The following ITFG2 variants were observed in gnomAD, a reference collection of about 807,000 sequenced individuals.
ITFG2 encodes the protein integrin alpha FG-GAP repeat containing 2, also known as KICSTOR complex protein ITFG2.
In ITFG2, 36 loss-of-function variants were observed where a neutral mutation model predicts 54.4. The ratio of observed to expected loss-of-function variants is 0.66; its 90% confidence interval spans 0.51 to 0.87. The LOEUF is 0.87. ITFG2 is among the 40% of genes least tolerant of loss of function. ITFG2 has a pLI of 0.00. For synonymous variants in ITFG2, 211 were observed against 225.4 expected (o/e 0.94, Z 0.57); for missense variants, 524 against 576.7 (o/e 0.91, Z 0.94).
chr12:2,844,671 T>C (rs1488275168), intron 2 of ITFG2, among the ~76,000 whole-genome samples: 1 of 152,186 alleles, frequency 6.6e-6, no homozygotes, highest in Middle Eastern at 3.2e-3. Flanking sequence ...TCTTTGTTTA[T>C]CTTTTTTATT....
intron 1 of ITFG2, 47 bp downstream of exon 1, chr12:2,812,903 C>CGGGG (rs1603482118): frequency 4.6e-6 from 7 of 1,524,798 alleles, no homozygotes; most frequent in Non-Finnish European, 5.4e-6. Flanking sequence ...TGTGCAGGGA[C>CGGGG]GGGGCAAGGG....
rs749897172 is a variant in ITFG2 at position 2,818,072 on chromosome 12, C to T, written c.235-34C>T. 142 of 1,609,638 alleles carry T rather than the reference C, an allele frequency of 8.8e-5. 1 individual carries two copies. In the South Asian group the frequency reaches 1.4e-3, roughly 16 times the overall value. The stretch of plus-strand genomic sequence containing the variant: ...AGGCTTGTTTCCAAAACTCCCTCCC[C>T]AGTCCATCTCTACTATACCTCTGTT... On this transcript the variant is annotated intron_variant, in intron 3 of 11. Coordinates refer to ENST00000228799, the MANE Select transcript of ITFG2 (RefSeq NM_018463.4).
At chr12:2,858,581 G>T in intron 3 of ITFG2, 1 of 1,493,654 alleles carries the variant, frequency 6.7e-7, no homozygotes. Context: ...GGGGTGCACT[G>T]AGCCTTGGAG....
intron 2 of ITFG2, among the ~76,000 whole-genome samples, chr12:2,851,820 A>C (rs1271728621): frequency 6.6e-6 from 1 of 152,070 alleles, no homozygotes; most frequent in African/African-American, 2.4e-5. Flanking sequence ...CTGGGATTAC[A>C]GGCATGTGCC....
upstream of ITFG2, chr12:2,834,532 G>T: frequency 7.0e-7 from 1 of 1,430,586 alleles, no homozygotes; most frequent in Non-Finnish European, 9.3e-7. Flanking sequence ...GCAAGGGAGC[G>T]GGACCTGAAA....
downstream of ITFG2, chr12:2,830,900 AC>A (rs1188955296): frequency 1.3e-6 from 2 of 1,597,270 alleles, no homozygotes; most frequent in South Asian, 2.3e-5. Context: ...GCAGTTCTAA[AC>A]CCAGGCATCC....
intron 1 of ITFG2, among the ~76,000 whole-genome samples, chr12:2,837,834 GA>G (rs1168942094): frequency 6.6e-6 from 1 of 152,008 alleles, no homozygotes; most frequent in Non-Finnish European, 1.5e-5. Flanking sequence ...GTCTCTAAAA[GA>G]AAAAAATTCT....
chr12:2,820,340 C>G lies in ITFG2; in HGVS notation c.546+115C>G, dbSNP rs925186860. The G allele has an allele frequency of 3.8e-5, 49 of 1,291,282 alleles. No homozygotes were observed. The African/African-American group carries it at 4.1e-4, about 11-fold the overall frequency. 80.0% of individuals were successfully genotyped at this position (1,291,282 alleles called of 1,614,324 possible). A position where few individuals can be genotyped will look rare whatever the true frequency, so the allele number is the denominator to read the frequency against. ...GCCAGGGTGGGGAGAAGTGAAAAGTCACCTTGTCAAGAGAGATCCAAAGAC... is the reference window on the plus strand; with the variant it reads ...GCCAGGGTGGGGAGAAGTGAAAAGTGACCTTGTCAAGAGAGATCCAAAGAC... On this transcript the variant is annotated intron_variant, in intron 5 of 11. Coordinates refer to ENST00000228799, the MANE Select transcript of ITFG2 (RefSeq NM_018463.4).
chr12:2,830,824 C>T (rs1185143719), intron 2 of ITFG2: 2 of 1,613,618 alleles, frequency 1.2e-6, no homozygotes, highest in Non-Finnish European at 1.7e-6. Flanking sequence ...TTCGGGTTTC[C>T]CTCCACCAGG....
chr12:2,855,254 C>T lies in ITFG2; in HGVS notation n.301-2758C>T, dbSNP rs776419015. 21 of 1,508,846 alleles carry T rather than the reference C, an allele frequency of 1.4e-5. No homozygotes were observed. The South Asian group carries it at 1.7e-4, about 12-fold the overall frequency. The allele number at this position is 1,508,846 out of a possible 1,614,324, so 93.5% of individuals were successfully genotyped here. ...GTGTGAAAGCCCCAGGTGTGCTGGG[C>T]GCCACCCTTCCAAGGGTGGATGAGC... On this transcript the variant is annotated intron_variant and non_coding_transcript_variant, in intron 2 of 3. Transcript: ENST00000537710.
chr12:2,821,998 G>A (rs1201284771), intron 9 of ITFG2, among the ~76,000 whole-genome samples: 1 of 147,152 alleles, frequency 6.8e-6, no homozygotes, highest in East Asian at 2.0e-4. Context: ...GCATGATCTT[G>A]GTTCACTGCA....
chr12:2,824,168 C>A lies in ITFG2; in HGVS notation c.1319C>A (p.Pro440His). Residue 440 changes from proline (P) to histidine (H), a missense_variant, in exon 12 of 12, where the codon CCC becomes CAC. Transcript: ENST00000228799. ...CCAGACCAGCCACCACAGTGTGCTCCCTCAAGCCTCCAGGATCCCACCTAG... is the reference window on the plus strand; with the variant it reads ...CCAGACCAGCCACCACAGTGTGCTCACTCAAGCCTCCAGGATCCCACCTAG... Reference protein sequence around the residue: ...YHPDQPPQCAPSSLQDPT With the variant: ...YHPDQPPQCAHSSLQDPT The A allele has an allele frequency of 6.2e-7, 1 of 1,614,168 alleles. No individual in the cohort carries two copies. The highest frequency in any genetic ancestry group is 1.7e-5 in the Admixed American group (1 of 60,014).
chr12:2,834,319 A>G (rs1173870804), upstream of ITFG2, among the ~76,000 whole-genome samples: 1 of 152,214 alleles, frequency 6.6e-6, no homozygotes, highest in African/African-American at 2.4e-5. Flanking sequence ...TCCTGGTTGT[A>G]AGTGACCACT....
At chr12:2,834,918 C>T (rs768123127), upstream of ITFG2, 12 of 1,612,966 alleles carry the variant, frequency 7.4e-6, no homozygotes, top group African/African-American at 2.7e-5. Flanking sequence ...GTCTCTGTCC[C>T]GTGCTGCAGC....
At position 2,845,978 on chromosome 12, in the gene ITFG2, A is replaced by G. The variant is rs1319259551; in HGVS notation, n.300+4983A>G. The stretch of plus-strand genomic sequence containing the variant: ...CAGCCTCCCAAGTAGCTGGGACTAC[A>G]GGTGCACACCACTGCACCTGCCTGG... On this transcript the variant is annotated intron_variant and non_coding_transcript_variant, in intron 2 of 3. Transcript: ENST00000537710. This position sits in a 1 kb window ranked among gnomAD's most constrained non-coding sequence, Gnocchi z 4.2. 1.3e-5 allele frequency among the ~76,000 whole-genome samples: 2 copies of G among 152,164 alleles called. No homozygotes were observed. The highest frequency in any genetic ancestry group is 4.8e-5 in the African/African-American group (2 of 41,442).
chr12:2,858,797 GCCAGAAACC>G, intron 3 of ITFG2: 2 of 1,614,214 alleles, frequency 1.2e-6, no homozygotes, highest in Non-Finnish European at 1.7e-6. Context: ...TGGCTGCAAG[GCCAGAAACC>G]TGTGGCTCCG....
chr12:2,849,082 T>C, intron 2 of ITFG2: 1 of 737,554 alleles, frequency 1.4e-6, no homozygotes, highest in South Asian at 1.9e-5. Flanking sequence ...GGTACAGAGG[T>C]GGCTTGAGGC....
At chr12:2,857,820 C>A (rs1447775771) in intron 2 of ITFG2, 3 of 152,360 alleles carry the variant, frequency 2.0e-5, no homozygotes, top group African/African-American at 7.2e-5. Context: ...GCCCTTTCGG[C>A]CTTCTCAAGC....
downstream of ITFG2, chr12:2,827,861 C>T: frequency 4.3e-6 from 7 of 1,611,060 alleles, no homozygotes; most frequent in Admixed American, 5.0e-5. This position sits in a 1 kb window ranked among gnomAD's most constrained non-coding sequence, Gnocchi z 4.0. Context: ...AAGTCTCAGC[C>T]TTTGCCCCAC....
Sources: gnomAD v4.1 joint callset for allele counts (sites outside exome capture counted in the v4.1 genomes callset) on GRCh38, gnomAD v4.1.1 for gene constraint, Gnocchi (gnomAD v3.1) non-coding constraint, MANE v1.5 for transcripts, NCBI Gene and HGNC (gene_info 2026-07-23, HGNC 2026-07-21) for gene names.